ROBO2: variants seen among roughly 807,000 people sequenced by gnomAD.
ROBO2 encodes roundabout homolog 2.
ROBO2 carries 53 observed loss-of-function variants against 160.8 expected under a neutral mutation model. The observed-to-expected ratio is 0.33, with a 90% CI of 0.26 to 0.41. The LOEUF is 0.41. ROBO2 is among the 10% of genes least tolerant of loss of function. The pLI is 1.00. For missense variants in ROBO2, 1,577 were observed against 1,722.4 expected (o/e 0.92, Z 1.49); for synonymous variants, 664 against 611.7 (o/e 1.09, Z -1.26).
intron 1 of ROBO2, among the ~76,000 whole-genome samples, chr3:77,083,600 G>A (rs569040695): frequency 6.8e-4 from 104 of 152,190 alleles, no homozygotes; most frequent in African/African-American, 2.4e-3. Flanking sequence ...AAATTATGTC[G>A]AGAGACACAG....
At chr3:77,464,684 A>ATTT (rs5850332) in intron 2 of ROBO2, among the ~76,000 whole-genome samples, 2 of 151,408 alleles carry the variant, frequency 1.3e-5, no homozygotes, top group African/African-American at 4.8e-5. Flanking sequence ...AATGTTGAAG[A>ATTT]TTTTTTTTTA....
intron 2 of ROBO2, among the ~76,000 whole-genome samples, chr3:76,671,301 AG>A (rs1349299205): frequency 6.6e-6 from 1 of 152,142 alleles, no homozygotes; most frequent in Admixed American, 6.6e-5. Flanking sequence ...TCTAAATAGC[AG>A]GTACAGTACT....
intron 2 of ROBO2, among the ~76,000 whole-genome samples, chr3:76,433,460 T>C (rs926699876): frequency 1.3e-5 from 2 of 152,220 alleles, no homozygotes; most frequent in Non-Finnish European, 2.9e-5. Flanking sequence ...TTACCTTAAA[T>C]AGCTGTCAAC....
chr3:75,912,594 A>G (rs1946644558), intron 1 of ROBO2, among the ~76,000 whole-genome samples: 1 of 152,088 alleles, frequency 6.6e-6, no homozygotes. Flanking sequence ...TTAGATGTAA[A>G]TTTTCTGCTT....
At chr3:77,277,664 T>C (rs1336909826) in intron 2 of ROBO2, among the ~76,000 whole-genome samples, 2 of 152,214 alleles carry the variant, frequency 1.3e-5, no homozygotes, top group African/African-American at 4.8e-5. Context: ...TAGTATTCCA[T>C]GGTGTATATG....
intron 5 of ROBO2, among the ~76,000 whole-genome samples, chr3:77,498,699 C>G (rs2087131195): frequency 6.6e-6 from 1 of 151,438 alleles, no homozygotes; most frequent in Non-Finnish European, 1.5e-5. Context: ...TTTGGAAGCT[C>G]TATTGTTTAG....
chr3:77,446,422 G>C (rs1045211087), intron 2 of ROBO2, among the ~76,000 whole-genome samples: 3 of 152,068 alleles, frequency 2.0e-5, no homozygotes, highest in African/African-American at 7.2e-5. Flanking sequence ...CTCCATGCTT[G>C]ATTTAACTGC....
intron 2 of ROBO2, among the ~76,000 whole-genome samples, chr3:76,583,888 A>G (rs2085861817): frequency 6.6e-6 from 1 of 152,070 alleles, no homozygotes; most frequent in Admixed American, 6.5e-5. Flanking sequence ...CTTTTTCTCT[A>G]TTATCATTGC....
In ROBO2 at chr3:77,538,264, C is replaced by T. The variant is rs375451778; in HGVS notation, c.935-8074C>T. On this transcript the variant is annotated intron_variant, in intron 6 of 25. Transcript: ENST00000461745. ...TGCGATCTCGGCTCACTGCAAGCTC[C>T]GCCTCCCGGGTTCACGCCATTCTCC... 6.3e-4 allele frequency among the ~76,000 whole-genome samples: 93 copies of T among 148,528 alleles called. 1 individual carries two copies. The East Asian group carries it at 0.018, about 28-fold the overall frequency.
chr3:77,379,023 C>T (rs1463954038), intron 2 of ROBO2, among the ~76,000 whole-genome samples: 1 of 151,848 alleles, frequency 6.6e-6, no homozygotes, highest in Non-Finnish European at 1.5e-5. Flanking sequence ...TCTCGGCTCG[C>T]TGCAACCTCT....
intron 1 of ROBO2, among the ~76,000 whole-genome samples, chr3:77,048,548 C>G (rs1473412981): frequency 6.6e-6 from 1 of 152,142 alleles, no homozygotes; most frequent in Admixed American, 6.5e-5. Flanking sequence ...ATAATTTTTA[C>G]CTGGTGCTTT....
At chr3:77,509,287 G>C (rs1297577748) in intron 5 of ROBO2, among the ~76,000 whole-genome samples, 1 of 151,980 alleles carries the variant, frequency 6.6e-6, no homozygotes, top group African/African-American at 2.4e-5. Context: ...TTTCTGTCCT[G>C]ACTTCAGCAA....
chr3:76,620,376 T>C (rs2088967911), intron 2 of ROBO2, among the ~76,000 whole-genome samples: 1 of 152,264 alleles, frequency 6.6e-6, no homozygotes, highest in Non-Finnish European at 1.5e-5. Flanking sequence ...GCATTTTCTA[T>C]GGATAACGAA....
chr3:76,410,538 C>G (rs1265149079), intron 2 of ROBO2, among the ~76,000 whole-genome samples: 1 of 152,128 alleles, frequency 6.6e-6, no homozygotes, highest in East Asian at 1.9e-4. Flanking sequence ...TTCAGGTTCT[C>G]AGTTGTCTTC....
chr3:75,975,264 A>G (rs748694251), intron 2 of ROBO2, among the ~76,000 whole-genome samples: 90 of 151,446 alleles, frequency 5.9e-4, no homozygotes, highest in Admixed American at 1.7e-3. Flanking sequence ...ATTTGTACCA[A>G]TTTAATAGTT....
chr3:77,603,672 AT>A (rs1449580326), intron 20 of ROBO2: 6 of 152,364 alleles, frequency 3.9e-5, no homozygotes, highest in African/African-American at 1.4e-4. Flanking sequence ...TAATGTCAGT[AT>A]CATATAGCAC....
At chr3:76,643,193 G>T (rs1367963650) in intron 2 of ROBO2, among the ~76,000 whole-genome samples, 1 of 152,002 alleles carries the variant, frequency 6.6e-6, no homozygotes, top group Non-Finnish European at 1.5e-5. Flanking sequence ...AAATAACTTA[G>T]TAAAAAAATG....
chr3:76,710,959 C>A (rs926184872), intron 2 of ROBO2, among the ~76,000 whole-genome samples: 1 of 152,096 alleles, frequency 6.6e-6, no homozygotes, highest in African/African-American at 2.4e-5. Context: ...ATTCTGTTTC[C>A]TGATATTGGG....
At chr3:76,818,107 A>G (rs560935290) in intron 2 of ROBO2, among the ~76,000 whole-genome samples, 1 of 152,066 alleles carries the variant, frequency 6.6e-6, no homozygotes, top group South Asian at 2.1e-4. Context: ...GCTAGTTTAC[A>G]TTTCTACCAG....
Sources: gnomAD v4.1 joint callset for allele counts (sites outside exome capture counted in the v4.1 genomes callset) on GRCh38, gnomAD v4.1.1 for gene constraint, MANE v1.5 for transcripts, NCBI Gene and HGNC (gene_info 2026-07-23, HGNC 2026-07-21) for gene names.